The following GTPBP10 variants were observed in gnomAD, a reference collection of about 807,000 sequenced individuals.
GTPBP10 encodes the protein GTP binding protein 10, also known as GTP-binding protein 10.
A neutral mutation model predicts 44.8 loss-of-function variants in GTPBP10; 38 were observed. The observed-to-expected ratio is 0.85, with a 90% CI of 0.65 to 1.11. The LOEUF (loss-of-function observed/expected upper bound fraction) is 1.11. GTPBP10 is among the 50% of genes most tolerant of loss of function. GTPBP10 has a pLI of 0.00. For synonymous variants in GTPBP10, 152 were observed against 150.6 expected (o/e 1.01, Z -0.07); for missense variants, 462 against 453.7 (o/e 1.02, Z -0.17).
chr7:90,364,825 G>A (rs1455641534), intron 4 of GTPBP10, among the ~76,000 whole-genome samples: 1 of 152,170 alleles, frequency 6.6e-6, no homozygotes, highest in Non-Finnish European at 1.5e-5. Flanking sequence ...CTCAGCAATG[G>A]CGGGCACCCC....
At chr7:90,364,611 C>G (rs527645711) in intron 4 of GTPBP10, among the ~76,000 whole-genome samples, 10 of 152,228 alleles carry the variant, frequency 6.6e-5, no homozygotes. Context: ...TCTGTCCGTT[C>G]TCAGTTCTCA....
intron 2 of GTPBP10, 123 bp downstream of exon 2, chr7:90,353,132 A>G (rs1261523314): frequency 1.6e-6 from 1 of 611,034 alleles, no homozygotes; most frequent in African/African-American, 1.8e-5. Context: ...ATTTATAACC[A>G]AGCAAAAGCC....
chr7:90,366,915 T>A (rs145531437), intron 4 of GTPBP10, among the ~76,000 whole-genome samples: 1 of 152,198 alleles, frequency 6.6e-6, no homozygotes, highest in African/African-American at 2.4e-5. Flanking sequence ...CTTTCTCTTG[T>A]GGGCATTTAG....
chr7:90,363,676 T>C, intron 4 of GTPBP10, among the ~76,000 whole-genome samples: 1 of 152,226 alleles, frequency 6.6e-6, no homozygotes, highest in East Asian at 1.9e-4. Flanking sequence ...ATTTGAATGT[T>C]GGCCTGCCTT....
At chr7:90,360,805 T>C (rs1404253045) in intron 4 of GTPBP10, among the ~76,000 whole-genome samples, 1 of 152,186 alleles carries the variant, frequency 6.6e-6, no homozygotes, top group African/African-American at 2.4e-5. Context: ...TGTGTCCTCT[T>C]TTATTTCGTT....
At position 90,388,627 on chromosome 7, in the gene GTPBP10, C is replaced by T. The variant is rs1796565497; in HGVS notation, c.*3473C>T. The T allele has an allele frequency of 6.6e-6, 1 of 152,046 alleles. No individual in the cohort carries two copies. The highest frequency in any genetic ancestry group is 1.5e-5 in the Non-Finnish European group (1 of 68,002). The allele number at this position is 152,046 out of a possible 1,614,324, so 9.4% of individuals were successfully genotyped here. On this transcript the variant is annotated 3_prime_UTR_variant, in exon 10 of 10. Coordinates refer to ENST00000222511, the MANE Select transcript of GTPBP10 (RefSeq NM_033107.4). ...GGTAAACATGTATTAGTTACATAAT[C>T]AGGAAAAAAGTCATCTTTTATAATG...
chr7:90,384,262 G>A (rs1466770178), intron 9 of GTPBP10, among the ~76,000 whole-genome samples: 1 of 152,116 alleles, frequency 6.6e-6, no homozygotes, highest in Non-Finnish European at 1.5e-5. Flanking sequence ...AGCCTTTCTA[G>A]TTCATATCAG....
At chr7:90,367,844 G>C (rs1477374276) in intron 4 of GTPBP10, among the ~76,000 whole-genome samples, 1 of 152,122 alleles carries the variant, frequency 6.6e-6, no homozygotes, top group Non-Finnish European at 1.5e-5. Flanking sequence ...TGGTTATTTT[G>C]CCCGTTAATT....
intron 5 of GTPBP10, 60 bp from the exon 6 acceptor site, chr7:90,374,242 T>C (rs576142785): frequency 1.8e-6 from 2 of 1,124,622 alleles, no homozygotes; most frequent in Non-Finnish European, 2.7e-6. Context: ...CAAGACAGTT[T>C]TGAGAGTACC....
intron 7 of GTPBP10, chr7:90,377,912 G>T: frequency 4.8e-6 from 2 of 415,630 alleles, no homozygotes; most frequent in Non-Finnish European, 6.5e-6. Context: ...CATACAAATT[G>T]TCTTATCCTA....
intron 4 of GTPBP10, among the ~76,000 whole-genome samples, chr7:90,367,558 C>A (rs190478265): frequency 7.9e-5 from 12 of 152,166 alleles, no homozygotes; most frequent in African/African-American, 1.4e-4. Flanking sequence ...CTCTTTTGAT[C>A]TTTGTTGGTT....
chr7:90,375,215 G>A (rs1411601400), intron 6 of GTPBP10, among the ~76,000 whole-genome samples: 1 of 151,954 alleles, frequency 6.6e-6, no homozygotes, highest in East Asian at 1.9e-4. Flanking sequence ...AAAAATGAAT[G>A]ATTTCCAGGG....
At chr7:90,361,280 A>G (rs990234100) in intron 4 of GTPBP10, among the ~76,000 whole-genome samples, 1 of 152,198 alleles carries the variant, frequency 6.6e-6, no homozygotes, top group Non-Finnish European at 1.5e-5. Flanking sequence ...TTTGTCATAA[A>G]TAGCTCTCAT....
At chr7:90,360,546 TGTA>T (rs1795997175) in intron 4 of GTPBP10, among the ~76,000 whole-genome samples, 1 of 152,212 alleles carries the variant, frequency 6.6e-6, no homozygotes, top group Non-Finnish European at 1.5e-5. Flanking sequence ...ACTGTAGCCT[TGTA>T]GTATAGTTTG....
At chr7:90,371,932 A>G (rs1796265007) in intron 4 of GTPBP10, among the ~76,000 whole-genome samples, 2 of 152,124 alleles carry the variant, frequency 1.3e-5, no homozygotes, top group South Asian at 2.1e-4. Flanking sequence ...TCATAATTGG[A>G]ATAATTATTA....
intron 4 of GTPBP10, among the ~76,000 whole-genome samples, chr7:90,368,035 T>TA (rs1167221564): frequency 1.3e-5 from 2 of 152,326 alleles, no homozygotes; most frequent in Non-Finnish European, 2.9e-5. Context: ...CTCCTTCACT[T>TA]ACGAATCTTA....
chr7:90,377,435 A>C, intron 6 of GTPBP10, 72 bp from the exon 7 acceptor site: 1 of 954,650 alleles, frequency 1.0e-6, no homozygotes. Context: ...TATCTTAAAA[A>C]TTTTGGGATG....
chr7:90,357,245 A>C (rs1562954625), intron 4 of GTPBP10, among the ~76,000 whole-genome samples: 1 of 152,132 alleles, frequency 6.6e-6, no homozygotes, highest in Non-Finnish European at 1.5e-5. Flanking sequence ...TCATCTTTCT[A>C]TTCATACTTT....
Position 90,386,471 on chromosome 7 carries a change from T to C in GTPBP10, c.*1317T>C, listed in dbSNP as rs1421856799. On this transcript the variant is annotated 3_prime_UTR_variant, in exon 10 of 10. Transcript: ENST00000222511. ...TTCATTTTTCTTTTGTCCTAGTCTA[T>C]TTCACTTTCTTTTGTCATAATCTAT... 1 of 152,206 alleles carries C rather than the reference T, an allele frequency of 6.6e-6. No individual in the cohort carries two copies. Among genetic ancestry groups the C allele is most frequent in the Non-Finnish European group, 1.5e-5 (1 of 68,022 alleles). 9.4% of individuals were successfully genotyped at this position (152,206 alleles called of 1,614,324 possible).
Sources: gnomAD v4.1 joint callset for allele counts (sites outside exome capture counted in the v4.1 genomes callset) on GRCh38, gnomAD v4.1.1 for gene constraint, MANE v1.5 for transcripts, NCBI Gene and HGNC (gene_info 2026-07-23, HGNC 2026-07-21) for gene names.